RYR3: variants seen among roughly 807,000 people sequenced by gnomAD.
RYR3 encodes brain ryanodine receptor-calcium release channel.
RYR3 carries 207 observed loss-of-function variants against 584.3 expected under a neutral mutation model. The ratio of observed to expected loss-of-function variants is 0.35; its 90% CI spans 0.32 to 0.40. RYR3 has a LOEUF of 0.40. Ranked by LOEUF, RYR3 falls within the 10% of genes least tolerant of loss-of-function variation. The probability of loss-of-function intolerance (pLI) is 1.00; values close to 1 mark genes in which losing one functional copy is unlikely to be tolerated. For missense variants in RYR3, 5,616 were observed against 6,089.2 expected (o/e 0.92, Z 2.59); for synonymous variants, 2,416 against 2,248.5 (o/e 1.07, Z -2.11).
intron 1 of RYR3, among the ~76,000 whole-genome samples, chr15:33,340,091 C>T (rs1031764472): frequency 2.0e-5 from 3 of 152,194 alleles, no homozygotes; most frequent in Admixed American, 6.5e-5. Flanking sequence ...CTGCCTGCTT[C>T]TCCTCCAAGG....
rs767600116 is a variant in RYR3, at chr15:33,623,934, C to T, written c.2485C>T (p.Arg829Cys). 1.1e-5 allele frequency: 17 copies of T among 1,613,758 alleles called. No individual in the cohort carries two copies. Among genetic ancestry groups the T allele is most frequent in the African/African-American group, 4.0e-5 (3 of 74,906 alleles). Residue 829 changes from arginine to cysteine, a missense_variant, in exon 20 of 104, where the codon CGT becomes TGT. This residue lies in a region of RYR3 where 1,284 missense variants were observed against 1,344.6 expected (regional missense o/e 0.95). Coordinates refer to ENST00000634891, the MANE Select transcript of RYR3 (RefSeq NM_001036.6). The stretch of plus-strand genomic sequence containing the variant: ...ATTGGAGCCTGTCAAAGAATATAAA[C>T]GTGATGCTGATGGCATTAGAGATCT... Reference protein sequence around the residue: ...MRLEPVKEYKRDADGIRDLLG... With the variant: ...MRLEPVKEYKCDADGIRDLLG...
intron 103 of RYR3, 22 bp from the exon 104 acceptor site, chr15:33,865,109 C>G (rs762707943): frequency 6.3e-7 from 1 of 1,578,214 alleles, no homozygotes; most frequent in Non-Finnish European, 8.7e-7. Flanking sequence ...AAAATAAGCA[C>G]CCGTTGTTCA....
rs1157598217 is a variant in RYR3, at chr15:33,543,697, A to C, written c.722A>C (p.Gln241Pro). Residue 241 changes from glutamine to proline, a missense_variant, in exon 8 of 104, where the codon CAG (glutamine) becomes CCG (proline). Gln to Pro is a moderately conservative substitution (Grantham distance 76). Coordinates refer to ENST00000634891, the MANE Select transcript of RYR3 (RefSeq NM_001036.6). ...DECLTIPSTDQNDSQHRRIFY... is the reference protein window; with the variant it reads ...DECLTIPSTDPNDSQHRRIFY... ...TGTTTGACGATACCATCTACAGACC[A>C]GAATGATTCCCAGCACAGGTAAGTC... is the stretch of plus-strand genomic sequence containing the variant. The C allele has an allele frequency of 2.5e-6, 4 of 1,611,424 alleles. No individual in the cohort carries two copies. The South Asian group carries it at 4.4e-5, about 18-fold the overall frequency.
At chr15:33,472,004 C>G (rs1190957711) in intron 1 of RYR3, among the ~76,000 whole-genome samples, 1 of 152,146 alleles carries the variant, frequency 6.6e-6, no homozygotes, top group Non-Finnish European at 1.5e-5. Context: ...TCACTAAACC[C>G]CCACTTTTAA....
At chr15:33,748,325 C>G in intron 54 of RYR3, 65 bp downstream of exon 54, 1 of 1,583,228 alleles carries the variant, frequency 6.3e-7, no homozygotes. Flanking sequence ...TGGGAATGTT[C>G]TGCCTGGGGC....
At chr15:33,652,393 C>G (rs1426280289) in intron 31 of RYR3, among the ~76,000 whole-genome samples, 2 of 152,120 alleles carry the variant, frequency 1.3e-5, no homozygotes, top group Non-Finnish European at 2.9e-5. Context: ...AATTTCCCGT[C>G]TCTTTGGTGG....
At chr15:33,763,126 A>G (rs972959126) in intron 60 of RYR3, among the ~76,000 whole-genome samples, 1 of 152,260 alleles carries the variant, frequency 6.6e-6, no homozygotes, top group African/African-American at 2.4e-5. Context: ...CTCAAGATGG[A>G]TTAAAGACTT....
chr15:33,718,145 C>T (rs1260804145), intron 43 of RYR3, among the ~76,000 whole-genome samples: 6 of 152,100 alleles, frequency 3.9e-5, no homozygotes, highest in South Asian at 2.1e-4. Context: ...GCTGAAGCCC[C>T]GTGTTCTCTC....
In RYR3 at chr15:33,815,001, C is replaced by T. The variant is rs148151269; in HGVS notation, c.10502+1422C>T. Among the ~76,000 whole-genome samples, 1,179 of 147,710 alleles carry T rather than the reference C, an allele frequency of 8.0e-3. 22 individuals carry two copies. Among genetic ancestry groups the T allele is most frequent in the African/African-American group, 0.028 (1,119 of 39,798 alleles). ...AGGAGAATCGCTTGAACCTGGGAGG[C>T]GGAGGTTGCAGTGAACAGAGGTAAC... On this transcript the variant is annotated intron_variant, in intron 74 of 103. Transcript: ENST00000634891.
intron 27 of RYR3, among the ~76,000 whole-genome samples, chr15:33,642,502 C>T (rs540829226): frequency 6.6e-6 from 1 of 152,152 alleles, no homozygotes; most frequent in African/African-American, 2.4e-5. Context: ...TATTCCATTC[C>T]TTGTCCCCAT....
intron 60 of RYR3, among the ~76,000 whole-genome samples, chr15:33,766,762 C>T (rs2073110037): frequency 6.6e-6 from 1 of 152,210 alleles, no homozygotes; most frequent in Non-Finnish European, 1.5e-5. Flanking sequence ...CAATCTTCGC[C>T]CTTGCGCCAC....
chr15:33,725,410 A>G (rs1033561599), intron 45 of RYR3, among the ~76,000 whole-genome samples: 2 of 152,098 alleles, frequency 1.3e-5, no homozygotes, highest in Non-Finnish European at 2.9e-5. Flanking sequence ...GTCTGACCCT[A>G]TGACATTCAG....
chr15:33,389,600 A>G (rs1410850206), intron 1 of RYR3, among the ~76,000 whole-genome samples: 2 of 152,244 alleles, frequency 1.3e-5, no homozygotes, highest in Non-Finnish European at 2.9e-5. Context: ...CAAGTAATGT[A>G]ATGGAGTGAC....
chr15:33,512,196 C>G (rs902110263), intron 3 of RYR3, among the ~76,000 whole-genome samples: 5 of 152,142 alleles, frequency 3.3e-5, no homozygotes, highest in African/African-American at 1.2e-4. Flanking sequence ...CTCAGCTTCT[C>G]GATGCTTCAG....
intron 1 of RYR3, among the ~76,000 whole-genome samples, chr15:33,441,894 A>C (rs1323558037): frequency 6.6e-6 from 1 of 152,226 alleles, no homozygotes; most frequent in Non-Finnish European, 1.5e-5. Context: ...AAGAGAAGAC[A>C]CAGGATAAGA....
intron 6 of RYR3, among the ~76,000 whole-genome samples, chr15:33,539,900 A>C (rs974922507): frequency 6.6e-6 from 1 of 152,180 alleles, no homozygotes; most frequent in Admixed American, 6.6e-5. Context: ...CACGTTGAAC[A>C]GGAGGAAGAG....
intron 60 of RYR3, among the ~76,000 whole-genome samples, chr15:33,767,869 G>GAGGTCCATTAGCAGCATGTTC: frequency 6.6e-6 from 1 of 152,212 alleles, no homozygotes; most frequent in African/African-American, 2.4e-5. Flanking sequence ...GCCCCTAGGT[G>GAGGTCCATTAGCAGCATGTTC]AGGTCCATTA....
At chr15:33,702,033 C>A (rs1037792003) in intron 42 of RYR3, among the ~76,000 whole-genome samples, 2 of 152,138 alleles carry the variant, frequency 1.3e-5, no homozygotes, top group African/African-American at 4.8e-5. Context: ...CTGAATGCTT[C>A]CCACAAATGA....
chr15:33,464,503 T>TAC (rs1555487154), intron 1 of RYR3, among the ~76,000 whole-genome samples: 9,756 of 105,134 alleles, frequency 0.093, 969 homozygotes, highest in Admixed American at 0.13. Flanking sequence ...CATATATATA[T>TAC]ACATACACAT....
Sources: gnomAD v4.1 joint callset for allele counts (sites outside exome capture counted in the v4.1 genomes callset) on GRCh38, gnomAD v4.1.1 for gene constraint, gnomAD v4.1.1 regional missense constraint, MANE v1.5 for transcripts, NCBI Gene and HGNC (gene_info 2026-07-23, HGNC 2026-07-21) for gene names.